VPS8: variants seen among roughly 807,000 people sequenced by gnomAD.
VPS8 encodes vacuolar protein sorting-associated protein 8 homolog.
In VPS8, 129 loss-of-function variants were observed where a neutral mutation model predicts 216.4. The ratio of observed to expected loss-of-function variants is 0.60; its 90% CI spans 0.52 to 0.69. VPS8 has a LOEUF of 0.69. Among genes scored for constraint, VPS8 ranks in the 30% least tolerant of loss-of-function variants. The probability of loss-of-function intolerance (pLI) is 0.00; values close to 1 mark genes in which losing one functional copy is unlikely to be tolerated. For synonymous variants in VPS8, 571 were observed against 565.4 expected (o/e 1.01, Z -0.14); for missense variants, 1,531 against 1,683.5 (o/e 0.91, Z 1.59).
At chr3:184,830,500 A>G (rs994167264) in intron 3 of VPS8, among the ~76,000 whole-genome samples, 1 of 151,878 alleles carries the variant, frequency 6.6e-6, no homozygotes, top group African/African-American at 2.4e-5. Flanking sequence ...TGAAATTTGA[A>G]AGGATTGTGC....
chr3:185,029,014 C>T (rs1478526483), intron 46 of VPS8, among the ~76,000 whole-genome samples: 4 of 152,218 alleles, frequency 2.6e-5, no homozygotes, highest in Non-Finnish European at 5.9e-5. Flanking sequence ...AACATCATTG[C>T]TGTTTCAGGC....
intron 34 of VPS8, among the ~76,000 whole-genome samples, chr3:184,934,371 A>G (rs1179995079): frequency 2.6e-5 from 4 of 151,950 alleles, no homozygotes; most frequent in African/African-American, 7.3e-5. Context: ...GGGTTTTGCC[A>G]TGTTGGCCAG....
chr3:185,021,349 C>T (rs1022883264), intron 45 of VPS8, among the ~76,000 whole-genome samples: 10 of 152,078 alleles, frequency 6.6e-5, no homozygotes, highest in Admixed American at 1.3e-4. Context: ...GATGCTGGAC[C>T]ACTTCCATTG....
chr3:184,908,976 G>GC (rs780098298), intron 25 of VPS8, among the ~76,000 whole-genome samples: 13 of 152,230 alleles, frequency 8.5e-5, no homozygotes, highest in African/African-American at 1.4e-4. Flanking sequence ...GACAGAAACA[G>GC]AAGTTCTCAC....
At chr3:185,019,878 C>T (rs979558614) in intron 45 of VPS8, among the ~76,000 whole-genome samples, 8 of 152,228 alleles carry the variant, frequency 5.3e-5, no homozygotes, top group East Asian at 1.9e-4. Flanking sequence ...CTATAAATAG[C>T]GTCACTTTGG....
intron 32 of VPS8, 72 bp from the exon 33 acceptor site, chr3:184,929,508 C>T (rs1232506098): frequency 4.6e-6 from 4 of 874,398 alleles, no homozygotes; most frequent in Non-Finnish European, 7.3e-6. Context: ...CTAATACTAA[C>T]CTGTGTGCCA....
At chr3:185,036,577 T>G (rs1758924250) in intron 46 of VPS8, among the ~76,000 whole-genome samples, 1 of 151,988 alleles carries the variant, frequency 6.6e-6, no homozygotes, top group South Asian at 2.1e-4. Flanking sequence ...TTAACAGTTT[T>G]TCAGTTTTTT....
chr3:184,894,538 A>G (rs1343940891), intron 22 of VPS8, among the ~76,000 whole-genome samples, 165 bp from the exon 23 acceptor site: 2 of 149,254 alleles, frequency 1.3e-5, no homozygotes, highest in Non-Finnish European at 3.0e-5. Context: ...ATATACACAC[A>G]CACACAAAGT....
chr3:185,003,683 G>A (rs1052227355), intron 45 of VPS8, among the ~76,000 whole-genome samples: 3 of 152,050 alleles, frequency 2.0e-5, no homozygotes, highest in East Asian at 1.9e-4. Context: ...CCTCCCAGAC[G>A]GTGTGGTGGC....
chr3:184,932,836 A>G (rs1283695552), intron 34 of VPS8, among the ~76,000 whole-genome samples: 1 of 152,250 alleles, frequency 6.6e-6, no homozygotes, highest in Non-Finnish European at 1.5e-5. Flanking sequence ...TTATAAGTAT[A>G]TCACAGTTTA....
intron 20 of VPS8, 121 bp downstream of exon 20, chr3:184,869,649 A>G: frequency 2.3e-6 from 2 of 884,796 alleles, no homozygotes; most frequent in Non-Finnish European, 3.5e-6. Context: ...ATTAAAAAAC[A>G]CACACACACA....
At chr3:184,901,497 A>T (rs1327326452) in intron 25 of VPS8, 1 of 151,298 alleles carries the variant, frequency 6.6e-6, no homozygotes, top group African/African-American at 2.4e-5. Flanking sequence ...AAGTTTTTTA[A>T]GGTTTTTTTG....
intron 18 of VPS8, 139 bp downstream of exon 18, chr3:184,868,198 G>A: frequency 1.2e-6 from 1 of 806,568 alleles, no homozygotes; most frequent in Non-Finnish European, 1.9e-6. Context: ...ATAGCTGTTA[G>A]GTACTTGATT....
intron 3 of VPS8, among the ~76,000 whole-genome samples, chr3:184,828,390 C>T (rs1273716454): frequency 3.3e-5 from 5 of 152,102 alleles, no homozygotes; most frequent in African/African-American, 9.7e-5. Context: ...CTGCGGGCCT[C>T]GGCCTCCCAA....
At chr3:184,968,054 C>T (rs1409759249) in intron 39 of VPS8, among the ~76,000 whole-genome samples, 2 of 152,062 alleles carry the variant, frequency 1.3e-5, no homozygotes, top group Non-Finnish European at 2.9e-5. Flanking sequence ...TCCTCCCAGC[C>T]CCTGGCAAAT....
chr3:184,972,658 C>G (rs1748616302), intron 40 of VPS8, among the ~76,000 whole-genome samples: 1 of 152,202 alleles, frequency 6.6e-6, no homozygotes, highest in South Asian at 2.1e-4. Context: ...GGAACCACTG[C>G]TATCACAGAT....
At chr3:184,816,433 C>T (rs1716340767) in intron 1 of VPS8, among the ~76,000 whole-genome samples, 1 of 152,156 alleles carries the variant, frequency 6.6e-6, no homozygotes, top group East Asian at 1.9e-4. Context: ...TACTTATGAT[C>T]ACTCTCCTCA....
intron 36 of VPS8, among the ~76,000 whole-genome samples, chr3:184,956,208 A>T (rs573261747): frequency 5.9e-5 from 9 of 152,284 alleles, no homozygotes; most frequent in African/African-American, 1.9e-4. Flanking sequence ...ACCATCACTT[A>T]TGAATAATCA....
intron 36 of VPS8, among the ~76,000 whole-genome samples, chr3:184,943,518 A>G (rs1743111617): frequency 6.6e-6 from 1 of 152,234 alleles, no homozygotes; most frequent in South Asian, 2.1e-4. Flanking sequence ...AACATCAAGA[A>G]TAGGTAGACT....
Sources: allele counts gnomAD v4.1 joint callset (sites outside exome capture counted in the v4.1 genomes callset), GRCh38; gene constraint gnomAD v4.1.1; transcripts MANE v1.5; gene names NCBI Gene and HGNC (gene_info 2026-07-23, HGNC 2026-07-21).